The following RARB variants were observed in gnomAD, a reference collection of about 807,000 sequenced individuals.
The protein encoded by RARB is retinoic acid receptor beta.
RARB carries 17 observed loss-of-function variants against 51.9 expected under a neutral mutation model. That is an observed-to-expected ratio of 0.33 (90% CI 0.22 to 0.49). RARB has a LOEUF of 0.49. Ranked by LOEUF, RARB falls within the 20% of genes least tolerant of loss-of-function variation. RARB has a pLI of 0.99. For missense variants in RARB, 369 were observed against 550.8 expected (o/e 0.67, Z 3.30); for synonymous variants, 215 against 195.4 (o/e 1.10, Z -0.84).
At chr3:25,229,773 G>A (rs1702134984) in intron 5 of RARB, among the ~76,000 whole-genome samples, 1 of 136,472 alleles carries the variant, frequency 7.3e-6, no homozygotes, top group Non-Finnish European at 1.5e-5. Context: ...GAGGAGAACA[G>A]TGTGTAGCCA....
intron 5 of RARB, among the ~76,000 whole-genome samples, chr3:25,398,001 T>C (rs1345619697): frequency 1.3e-5 from 2 of 152,196 alleles, no homozygotes; most frequent in African/African-American, 2.4e-5. Flanking sequence ...CTTTAAAATT[T>C]AGGCTGAAGC....
At chr3:25,040,786 C>T (rs945668655) in intron 2 of RARB, among the ~76,000 whole-genome samples, 8 of 152,104 alleles carry the variant, frequency 5.3e-5, no homozygotes, top group Non-Finnish European at 1.0e-4. Context: ...CTTTGTAGAA[C>T]ATTTTATGTT....
chr3:25,579,943 T>A (rs940410019), intron 4 of RARB, among the ~76,000 whole-genome samples: 4 of 152,222 alleles, frequency 2.6e-5, no homozygotes, highest in Non-Finnish European at 5.9e-5. Flanking sequence ...CTTAGAGCCA[T>A]TCATTCATCA....
chr3:25,225,750 C>A (rs917632447), intron 5 of RARB, among the ~76,000 whole-genome samples: 1 of 152,082 alleles, frequency 6.6e-6, no homozygotes, highest in African/African-American at 2.4e-5. Context: ...TGGAGATAAC[C>A]AACACCAATA....
At chr3:24,916,011 A>G (rs1200745569) in intron 2 of RARB, among the ~76,000 whole-genome samples, 1 of 152,162 alleles carries the variant, frequency 6.6e-6, no homozygotes, top group Admixed American at 6.5e-5. Flanking sequence ...CTTCAGAAGT[A>G]GAAAGCAATC....
At chr3:25,334,074 T>C (rs1053956724) in intron 5 of RARB, among the ~76,000 whole-genome samples, 1 of 152,190 alleles carries the variant, frequency 6.6e-6, no homozygotes, top group African/African-American at 2.4e-5. Context: ...TTTTACACTG[T>C]TGGTGGGACT....
At chr3:24,951,206 C>G (rs2125405809) in intron 2 of RARB, among the ~76,000 whole-genome samples, 1 of 152,226 alleles carries the variant, frequency 6.6e-6, no homozygotes, top group South Asian at 2.1e-4. Context: ...AACCAGGCTC[C>G]AAGTCATGGT....
At chr3:25,079,483 A>G (rs762619239) in intron 3 of RARB, among the ~76,000 whole-genome samples, 1 of 152,200 alleles carries the variant, frequency 6.6e-6, no homozygotes, top group Non-Finnish European at 1.5e-5. Context: ...TTTACCCTTA[A>G]GTATTATACT....
intron 3 of RARB, among the ~76,000 whole-genome samples, chr3:25,538,078 CT>C (rs929282618): frequency 7.3e-5 from 11 of 149,892 alleles, no homozygotes; most frequent in African/African-American, 1.5e-4. Context: ...AACAATGAAA[CT>C]TTTTTTTTTA....
At chr3:24,994,411 T>C (rs1201645946) in intron 2 of RARB, among the ~76,000 whole-genome samples, 2 of 152,184 alleles carry the variant, frequency 1.3e-5, no homozygotes, top group African/African-American at 2.4e-5. Flanking sequence ...CCCTATCAGA[T>C]GAGTAGTTTG....
chr3:25,082,266 A>G (rs1346885902), intron 3 of RARB, among the ~76,000 whole-genome samples: 3 of 152,230 alleles, frequency 2.0e-5, no homozygotes, highest in Non-Finnish European at 4.4e-5. Flanking sequence ...TTATATTTAT[A>G]TAAGTTGGGT....
intron 5 of RARB, among the ~76,000 whole-genome samples, chr3:25,422,124 C>T (rs1001486585): frequency 3.3e-5 from 5 of 152,048 alleles, no homozygotes; most frequent in South Asian, 2.1e-4. Flanking sequence ...GTTTAAAAGC[C>T]GACTAACAGT....
chr3:25,362,917 A>C (rs921170212), intron 5 of RARB, among the ~76,000 whole-genome samples: 1 of 152,178 alleles, frequency 6.6e-6, no homozygotes, highest in Non-Finnish European at 1.5e-5. Flanking sequence ...GTTCCTATTC[A>C]GCCATCTTGC....
intron 5 of RARB, among the ~76,000 whole-genome samples, chr3:25,245,991 A>G (rs747356772): frequency 3.3e-5 from 5 of 152,036 alleles, no homozygotes; most frequent in Non-Finnish European, 7.4e-5. Flanking sequence ...ACAAAGTCCT[A>G]TATTTCTTGG....
At chr3:25,325,567 G>GT (rs1704691597) in intron 5 of RARB, among the ~76,000 whole-genome samples, 2 of 150,324 alleles carry the variant, frequency 1.3e-5, no homozygotes, top group Admixed American at 6.6e-5. Context: ...ATTTTGTGGG[G>GT]GTTTTTTTTT....
intron 5 of RARB, among the ~76,000 whole-genome samples, chr3:25,197,148 T>A (rs1701264230): frequency 6.6e-6 from 1 of 152,164 alleles, no homozygotes; most frequent in South Asian, 2.1e-4. Context: ...TGCCCATGCC[T>A]ATGTCCTGAA....
chr3:25,364,945 A>G (rs1376110745), intron 5 of RARB, among the ~76,000 whole-genome samples: 2 of 152,168 alleles, frequency 1.3e-5, no homozygotes, highest in African/African-American at 4.8e-5. Flanking sequence ...CTTCTGACAT[A>G]TCTCAGTTGT....
At chr3:24,935,828 G>A (rs1474112173) in intron 2 of RARB, among the ~76,000 whole-genome samples, 3 of 152,064 alleles carry the variant, frequency 2.0e-5, no homozygotes, top group African/African-American at 4.8e-5. Context: ...GCAGTCTGTT[G>A]GCTTATTTTT....
At chr3:25,406,072 A>C (rs1179796580) in intron 5 of RARB, among the ~76,000 whole-genome samples, 1 of 152,052 alleles carries the variant, frequency 6.6e-6, no homozygotes, top group African/African-American at 2.4e-5. Flanking sequence ...CTTTTTTCTT[A>C]TTACTTTCTT....
Sources: allele counts gnomAD v4.1 joint callset (sites outside exome capture counted in the v4.1 genomes callset), GRCh38; gene constraint gnomAD v4.1.1; transcripts MANE v1.5; gene names NCBI Gene and HGNC (gene_info 2026-07-23, HGNC 2026-07-21).